Variants in AKT3 observed in about 807,000 individuals in gnomAD.
The protein encoded by AKT3 is AKT serine/threonine kinase 3, also known as RAC-gamma serine/threonine-protein kinase.
AKT3 carries 15 observed loss-of-function variants against 65.3 expected under a neutral mutation model. That is an observed-to-expected ratio of 0.23 (90% CI 0.15 to 0.35). The LOEUF (loss-of-function observed/expected upper bound fraction) is 0.35, where lower values mean the gene tolerates loss of function less well. Ranked by LOEUF, AKT3 falls within the 10% of genes least tolerant of loss-of-function variation. The pLI is 1.00. For missense variants in AKT3, 243 were observed against 576.5 expected (o/e 0.42, Z 5.92); for synonymous variants, 206 against 183.8 (o/e 1.12, Z -0.98).
At chr1:243,825,522 C>G (rs760886632) in intron 2 of AKT3, among the ~76,000 whole-genome samples, 1 of 152,114 alleles carries the variant, frequency 6.6e-6, no homozygotes, top group Admixed American at 6.5e-5. Context: ...TTAAGACAAT[C>G]CAAGTAACTG....
At chr1:243,774,697 C>G (rs545045536) in intron 2 of AKT3, among the ~76,000 whole-genome samples, 2 of 152,304 alleles carry the variant, frequency 1.3e-5, no homozygotes, top group South Asian at 4.1e-4. Flanking sequence ...CTTTCCCAAA[C>G]TGTCAACTGC....
At chr1:243,654,207 C>CT (rs769592395) in intron 4 of AKT3, among the ~76,000 whole-genome samples, 1 of 152,082 alleles carries the variant, frequency 6.6e-6, no homozygotes, top group Non-Finnish European at 1.5e-5. Flanking sequence ...AATGTCCATA[C>CT]TTTTAACTCT....
At chr1:243,740,733 T>C (rs1688101500) in intron 2 of AKT3, 1 of 152,218 alleles carries the variant, frequency 6.6e-6, no homozygotes, top group South Asian at 2.1e-4. Flanking sequence ...CTTGAAAAAG[T>C]TGGCCTGGTT....
intron 3 of AKT3, among the ~76,000 whole-genome samples, chr1:243,677,245 T>C (rs1158933056): frequency 2.0e-5 from 3 of 152,302 alleles, no homozygotes; most frequent in East Asian, 1.9e-4. Context: ...TCTTCTCTTA[T>C]TCCAACTCAT....
At chr1:243,846,136 G>T (rs903858413) in intron 1 of AKT3, among the ~76,000 whole-genome samples, 2 of 152,156 alleles carry the variant, frequency 1.3e-5, no homozygotes, top group Admixed American at 1.3e-4. Context: ...ATAATTGGAA[G>T]ATAAAACATT....
chr1:243,650,275 T>G (rs1028270144), intron 4 of AKT3, among the ~76,000 whole-genome samples: 1 of 152,208 alleles, frequency 6.6e-6, no homozygotes, highest in African/African-American at 2.4e-5. Flanking sequence ...CTTATAAATT[T>G]GTTTAAGTTC....
At chr1:243,629,829 C>T (rs1679468477) in intron 6 of AKT3, among the ~76,000 whole-genome samples, 1 of 152,064 alleles carries the variant, frequency 6.6e-6, no homozygotes, top group South Asian at 2.1e-4. Context: ...AGATATGCAG[C>T]AATGCAGACA....
At chr1:243,568,669 T>C (rs1674350270) in intron 9 of AKT3, among the ~76,000 whole-genome samples, 1 of 152,214 alleles carries the variant, frequency 6.6e-6, no homozygotes, top group Non-Finnish European at 1.5e-5. Flanking sequence ...AGCATAAAAT[T>C]AAACTTTAAA....
At chr1:243,616,706 A>G (rs115705857) in intron 6 of AKT3, among the ~76,000 whole-genome samples, 1 of 152,186 alleles carries the variant, frequency 6.6e-6, no homozygotes, top group Non-Finnish European at 1.5e-5. Flanking sequence ...TGTTATCTTT[A>G]TAAAAATATT....
intron 9 of AKT3, among the ~76,000 whole-genome samples, chr1:243,572,568 A>G (rs981197874): frequency 2.6e-5 from 4 of 152,228 alleles, no homozygotes; most frequent in Non-Finnish European, 4.4e-5. Context: ...ATCAAAATGA[A>G]TATGTTCCTT....
intron 2 of AKT3, among the ~76,000 whole-genome samples, chr1:243,750,828 C>T (rs1688767593): frequency 6.6e-6 from 1 of 151,920 alleles, no homozygotes; most frequent in Non-Finnish European, 1.5e-5. Flanking sequence ...GTGATCTGCC[C>T]GCCTCGGCCT....
chr1:243,535,208 T>TATTTTAAAATATATTTTAAAATA (rs1671837232), intron 12 of AKT3, among the ~76,000 whole-genome samples: 7 of 47,076 alleles, frequency 1.5e-4, no homozygotes, highest in African/African-American at 2.7e-4. Context: ...ATTTTAAAAT[T>TATTTTAAAATATATTTTAAAATA]ATTTTAAAAT....
At chr1:243,675,263 A>C (rs1030030633) in intron 3 of AKT3, among the ~76,000 whole-genome samples, 18 of 152,212 alleles carry the variant, frequency 1.2e-4, no homozygotes, top group African/African-American at 4.1e-4. Flanking sequence ...GCAGTGGCAC[A>C]ATCTCGGCTC....
chr1:243,657,235 G>A (rs572028695), intron 4 of AKT3, among the ~76,000 whole-genome samples: 1 of 152,200 alleles, frequency 6.6e-6, no homozygotes, highest in South Asian at 2.1e-4. Context: ...TCTATGAACC[G>A]TGAAGAGGGC....
chr1:243,764,991 T>A (rs564717679), intron 2 of AKT3, among the ~76,000 whole-genome samples: 4 of 152,266 alleles, frequency 2.6e-5, no homozygotes, highest in Admixed American at 2.6e-4. Context: ...TTCTGAATAA[T>A]GTAAATTCAT....
chr1:243,772,343 GA>G (rs988085008), intron 2 of AKT3, among the ~76,000 whole-genome samples: 25 of 151,778 alleles, frequency 1.6e-4, no homozygotes, highest in Non-Finnish European at 2.5e-4. Flanking sequence ...AAATTTACAA[GA>G]AAAAAACAAC....
At chr1:243,783,993 C>T (rs1691085134) in intron 2 of AKT3, among the ~76,000 whole-genome samples, 2 of 152,076 alleles carry the variant, frequency 1.3e-5, no homozygotes, top group African/African-American at 2.4e-5. Context: ...CAGCAGTGAA[C>T]AATACAGCTC....
intron 4 of AKT3, among the ~76,000 whole-genome samples, chr1:243,649,311 ATATGTGTG>A (rs1177894285): frequency 1.7e-5 from 1 of 58,352 alleles, no homozygotes; most frequent in Non-Finnish European, 4.8e-5. Flanking sequence ...TGTTATGTGT[ATATGTGTG>A]TGTGTGTGTG....
At chr1:243,677,722 CAGAGT>C (rs1683617192) in intron 3 of AKT3, among the ~76,000 whole-genome samples, 1 of 151,916 alleles carries the variant, frequency 6.6e-6, no homozygotes, top group Admixed American at 6.6e-5. Context: ...TCTACTTATC[CAGAGT>C]AAAGCACTGT....
Sources: gnomAD v4.1 joint callset for allele counts (sites outside exome capture counted in the v4.1 genomes callset) on GRCh38, gnomAD v4.1.1 for gene constraint, MANE v1.5 for transcripts, NCBI Gene and HGNC (gene_info 2026-07-23, HGNC 2026-07-21) for gene names.